Variants in CCDC7 observed in about 807,000 individuals in gnomAD.
CCDC7 encodes coiled-coil domain-containing protein 7.
Under a neutral mutation model 196.9 loss-of-function variants are expected in CCDC7, and 183 were observed. The observed-to-expected ratio is 0.93, with a 90% CI of 0.82 to 1.05. CCDC7 has a LOEUF of 1.05. CCDC7 is among the 50% of genes least tolerant of loss of function. The pLI is 0.00. For synonymous variants in CCDC7, 525 were observed against 484.6 expected, an observed-to-expected ratio of 1.08 and a Z score of -1.10; for missense variants, 1,540 against 1,482.2, an observed-to-expected ratio of 1.04 and a Z score of -0.64.
chr10:32,637,222 T>C (rs1939868864), intron 20 of CCDC7, among the ~76,000 whole-genome samples: 1 of 152,208 alleles, frequency 6.6e-6, no homozygotes. Context: ...GTGCAGAAGC[T>C]CTTTAGTTTA....
chr10:32,588,474 C>T (rs2137725616), intron 18 of CCDC7, among the ~76,000 whole-genome samples: 1 of 152,130 alleles, frequency 6.6e-6, no homozygotes, highest in East Asian at 1.9e-4. Flanking sequence ...GAGTGATTTT[C>T]CTAGTTTGAA....
chr10:32,845,762 C>T, intron 35 of CCDC7, 114 bp from the exon 37 acceptor site: 1 of 999,586 alleles, frequency 1.0e-6, no homozygotes, highest in Non-Finnish European at 1.5e-6. Flanking sequence ...AATACCCTTC[C>T]ATAATTACAC....
chr10:32,667,494 T>C (rs1237510080), intron 21 of CCDC7, among the ~76,000 whole-genome samples: 1 of 152,202 alleles, frequency 6.6e-6, no homozygotes. Context: ...AGGGTTTTTA[T>C]GGTTTCAGGT....
intron 21 of CCDC7, among the ~76,000 whole-genome samples, chr10:32,679,878 C>G (rs760847006): frequency 1.3e-5 from 2 of 152,162 alleles, no homozygotes; most frequent in Non-Finnish European, 2.9e-5. Context: ...CAAGGGTAAA[C>G]TGATCCTAAT....
chr10:32,454,467 C>T (rs970448355), intron 2 of CCDC7, among the ~76,000 whole-genome samples: 2 of 151,992 alleles, frequency 1.3e-5, no homozygotes, highest in Non-Finnish European at 2.9e-5. Context: ...CTATCGGGTA[C>T]TGTGCTCAGT....
intron 33 of CCDC7, among the ~76,000 whole-genome samples, chr10:32,838,927 C>G (rs1012013869): frequency 6.6e-6 from 1 of 151,920 alleles, no homozygotes; most frequent in Non-Finnish European, 1.5e-5. Flanking sequence ...TCCAGACAAG[C>G]AAATGCTGAC....
At chr10:32,766,304 T>C (rs1370872216) in intron 28 of CCDC7, among the ~76,000 whole-genome samples, 1 of 152,050 alleles carries the variant, frequency 6.6e-6, no homozygotes, top group Non-Finnish European at 1.5e-5. Flanking sequence ...TAAGGCAACG[T>C]ATTCCTCATT....
At chr10:32,859,366 C>A (rs1272535286) in intron 41 of CCDC7, among the ~76,000 whole-genome samples, 1 of 151,986 alleles carries the variant, frequency 6.6e-6, no homozygotes, top group Non-Finnish European at 1.5e-5. Flanking sequence ...TTCTTTGAAA[C>A]CAATGAGAAC....
intron 33 of CCDC7, among the ~76,000 whole-genome samples, chr10:32,843,605 T>A (rs1190084408): frequency 6.6e-6 from 1 of 152,052 alleles, no homozygotes; most frequent in Admixed American, 6.6e-5. Flanking sequence ...GGAGGAAACA[T>A]GAATGTTACT....
intron 30 of CCDC7, among the ~76,000 whole-genome samples, chr10:32,806,259 A>C (rs2135191959): frequency 6.6e-6 from 1 of 152,340 alleles, no homozygotes; most frequent in East Asian, 1.9e-4. Flanking sequence ...CAGAAAGAAG[A>C]GGAAAAGAAT....
intron 29 of CCDC7, among the ~76,000 whole-genome samples, chr10:32,788,390 C>T (rs1469027707): frequency 1.3e-5 from 2 of 152,200 alleles, no homozygotes; most frequent in African/African-American, 4.8e-5. Context: ...CCCAGGCCAT[C>T]AAATCCAGCC....
chr10:32,867,525 T>C (rs1234633782), intron 41 of CCDC7, among the ~76,000 whole-genome samples: 6 of 151,112 alleles, frequency 4.0e-5, no homozygotes, highest in East Asian at 1.9e-4. Context: ...AGTTTCTCTG[T>C]AAACTTGAAT....
intron 33 of CCDC7, among the ~76,000 whole-genome samples, chr10:32,837,624 A>G (rs1488131991): frequency 2.0e-5 from 3 of 152,086 alleles, no homozygotes; most frequent in Non-Finnish European, 4.4e-5. Flanking sequence ...ACACATGCAC[A>G]TGTATGTTTA....
intron 21 of CCDC7, among the ~76,000 whole-genome samples, chr10:32,684,342 A>G (rs1003430080): frequency 1.3e-5 from 2 of 152,192 alleles, no homozygotes; most frequent in African/African-American, 4.8e-5. Context: ...CGGAGACTCC[A>G]TGCAGCTTTC....
upstream of CCDC7, among the ~76,000 whole-genome samples, chr10:32,448,214 A>G (rs550745708): frequency 7.4e-4 from 113 of 152,236 alleles, 1 homozygote; most frequent in African/African-American, 2.4e-3. Context: ...TATTGTTCAC[A>G]ACCTAGTTTA....
intron 11 of CCDC7, among the ~76,000 whole-genome samples, chr10:32,530,422 C>A (rs1414501711): frequency 6.6e-6 from 1 of 152,084 alleles, no homozygotes; most frequent in Non-Finnish European, 1.5e-5. Flanking sequence ...ACAGCTAACA[C>A]TATACTGAAT....
At chr10:32,728,785 G>T (rs1411457291) in intron 26 of CCDC7, 102 bp from the exon 28 acceptor site, 7 of 580,550 alleles carry the variant, frequency 1.2e-5, no homozygotes, top group Non-Finnish European at 2.0e-5. Flanking sequence ...CTAGCATTAT[G>T]GTAATTTACT....
chr10:32,471,354 C>G, intron 6 of CCDC7, 124 bp downstream of exon 7: 3 of 1,172,248 alleles, frequency 2.6e-6, no homozygotes, highest in Non-Finnish European at 3.5e-6. Flanking sequence ...CAAATCAGGT[C>G]TAGTCAGCTT....
At chr10:32,833,715 GTCAA>G (rs2092395813) in intron 32 of CCDC7, among the ~76,000 whole-genome samples, 1 of 151,988 alleles carries the variant, frequency 6.6e-6, no homozygotes, top group Non-Finnish European at 1.5e-5. Context: ...AACTTATTCT[GTCAA>G]TCTGATGCAT....
Sources: gnomAD v4.1 joint callset for allele counts (sites outside exome capture counted in the v4.1 genomes callset) on GRCh38, gnomAD v4.1.1 for gene constraint, MANE v1.5 for transcripts, NCBI Gene and HGNC (gene_info 2026-07-23, HGNC 2026-07-21) for gene names.